EXOC6B: variants seen among roughly 807,000 people sequenced by gnomAD.
EXOC6B encodes exocyst complex component 6B.
Under a neutral mutation model 113.5 loss-of-function variants are expected in EXOC6B, and 54 were observed. The observed-to-expected ratio is 0.48, with a 90% CI of 0.38 to 0.60. The LOEUF (loss-of-function observed/expected upper bound fraction) is 0.60, where lower values mean the gene tolerates loss of function less well. Ranked by LOEUF, EXOC6B falls within the 20% of genes least tolerant of loss-of-function variation. EXOC6B has a pLI of 0.00. For missense variants in EXOC6B, 797 were observed against 977.5 expected, an observed-to-expected ratio of 0.82 and a Z score of 2.46; for synonymous variants, 357 against 339.0, an observed-to-expected ratio of 1.05 and a Z score of -0.58.
At chr2:72,228,495 C>A (rs1475167473) in intron 20 of EXOC6B, among the ~76,000 whole-genome samples, 1 of 150,706 alleles carries the variant, frequency 6.6e-6, no homozygotes, top group Non-Finnish European at 1.5e-5. Context: ...TCAATTCCCA[C>A]CTATGAGTGA....
chr2:72,564,303 A>G (rs1382430723), intron 7 of EXOC6B, among the ~76,000 whole-genome samples: 1 of 152,264 alleles, frequency 6.6e-6, no homozygotes, highest in East Asian at 1.9e-4. Context: ...CCTACACGGC[A>G]TTTATTTTTC....
intron 18 of EXOC6B, among the ~76,000 whole-genome samples, chr2:72,438,310 G>GAAAA (rs775849981): frequency 7.2e-6 from 1 of 138,870 alleles, no homozygotes; most frequent in Non-Finnish European, 1.6e-5. Flanking sequence ...AATCTTTGTG[G>GAAAA]AAAAAAAAAA....
At chr2:72,232,609 C>T (rs1681696956) in intron 20 of EXOC6B, among the ~76,000 whole-genome samples, 1 of 151,586 alleles carries the variant, frequency 6.6e-6, no homozygotes, top group East Asian at 1.9e-4. Context: ...CTTTAAAAGG[C>T]AGAATATAAA....
chr2:72,556,701 A>G (rs536426920), intron 8 of EXOC6B, among the ~76,000 whole-genome samples: 1 of 152,266 alleles, frequency 6.6e-6, no homozygotes, highest in South Asian at 2.1e-4. Flanking sequence ...TAAAATATTA[A>G]ATGTAGTATA....
chr2:72,208,286 G>C (rs1221429077), intron 20 of EXOC6B, among the ~76,000 whole-genome samples: 2 of 151,578 alleles, frequency 1.3e-5, no homozygotes, highest in Admixed American at 1.3e-4. Context: ...CCATCTTTAT[G>C]CCCATGTGAG....
In EXOC6B at chr2:72,179,279, C is replaced by G; in HGVS notation, c.*56G>C. The G allele has an allele frequency of 6.6e-7, 1 of 1,508,690 alleles. No homozygotes were observed. The highest frequency in any genetic ancestry group is 8.9e-7 in the Non-Finnish European group (1 of 1,128,826). 93.5% of individuals were successfully genotyped at this position (1,508,690 alleles called of 1,614,324 possible). A position where few individuals can be genotyped will look rare whatever the true frequency, so the allele number is the denominator to read the frequency against. ...AAATGCAGGGTCAGCTGGGGCTGGA[C>G]CCCAGACTGACACAGAGGCTGCAGC... On this transcript the variant is annotated 3_prime_UTR_variant, in exon 22 of 22. Coordinates refer to ENST00000272427, the MANE Select transcript of EXOC6B (RefSeq NM_015189.3).
At chr2:72,338,215 T>C (rs942092201) in intron 19 of EXOC6B, among the ~76,000 whole-genome samples, 8 of 152,186 alleles carry the variant, frequency 5.3e-5, no homozygotes, top group Admixed American at 5.2e-4. Context: ...TTCCTTACAG[T>C]GCTGCTATGA....
chr2:72,407,235 C>T lies in EXOC6B; in HGVS notation c.1981-27365G>A, dbSNP rs140112420. ...GAGGCAATAATTAATAGCTTACCAG[C>T]CAAAAAAAGTCCAGGACCAGAAGGA... On this transcript the variant is annotated intron_variant, in intron 18 of 21. Coordinates refer to ENST00000272427, the MANE Select transcript of EXOC6B (RefSeq NM_015189.3). Among the ~76,000 whole-genome samples the T allele has an allele frequency of 4.8e-3, 725 of 152,122 alleles. 1 individual carries two copies. Among genetic ancestry groups the T allele is most frequent in the Non-Finnish European group, 7.6e-3 (517 of 67,998 alleles).
intron 20 of EXOC6B, among the ~76,000 whole-genome samples, chr2:72,329,547 A>T (rs1475904805): frequency 6.6e-6 from 1 of 152,118 alleles, no homozygotes; most frequent in Admixed American, 6.6e-5. Flanking sequence ...AATACAAATA[A>T]TTATTAAAGT....
At chr2:72,339,489 G>A (rs769348789) in intron 19 of EXOC6B, among the ~76,000 whole-genome samples, 8 of 152,112 alleles carry the variant, frequency 5.3e-5, no homozygotes, top group Non-Finnish European at 7.3e-5. Flanking sequence ...TCCTGTTACT[G>A]GGAGACTGAA....
At chr2:72,465,464 T>C (rs1219438454) in intron 17 of EXOC6B, 125 bp from the exon 18 acceptor site, 1 of 690,664 alleles carries the variant, frequency 1.4e-6, no homozygotes, top group African/African-American at 1.8e-5. Context: ...TACTGAGCCA[T>C]ACATATCACA....
chr2:72,451,423 A>G (rs2105362724), intron 18 of EXOC6B, among the ~76,000 whole-genome samples: 1 of 152,316 alleles, frequency 6.6e-6, no homozygotes, highest in East Asian at 1.9e-4. Context: ...CCAATAAAAC[A>G]AAACACATAG....
intron 6 of EXOC6B, among the ~76,000 whole-genome samples, chr2:72,678,205 A>C (rs533705188): frequency 6.6e-6 from 1 of 152,306 alleles, no homozygotes; most frequent in Admixed American, 6.5e-5. Flanking sequence ...ATGCAAATGC[A>C]ATGTACCAAC....
At chr2:72,316,496 T>C (rs1346719090) in intron 20 of EXOC6B, among the ~76,000 whole-genome samples, 2 of 152,190 alleles carry the variant, frequency 1.3e-5, no homozygotes, top group African/African-American at 4.8e-5. Flanking sequence ...TTAATAAGAT[T>C]AAAGTAAACT....
chr2:72,818,311 A>ATTTTTTT (rs1183950982), intron 1 of EXOC6B, among the ~76,000 whole-genome samples: 8 of 117,840 alleles, frequency 6.8e-5, no homozygotes, highest in African/African-American at 2.0e-4. Context: ...GGCCCAGCTA[A>ATTTTTTT]TTTTTTTTTT....
chr2:72,800,278 T>G (rs374372146), intron 1 of EXOC6B, among the ~76,000 whole-genome samples: 1 of 152,184 alleles, frequency 6.6e-6, no homozygotes, highest in Admixed American at 6.5e-5. Context: ...TTAATTTTTA[T>G]AACAATTTTT....
chr2:72,451,817 G>T (rs144705911), intron 18 of EXOC6B, among the ~76,000 whole-genome samples: 44 of 152,240 alleles, frequency 2.9e-4, no homozygotes, highest in African/African-American at 1.0e-3. Context: ...CCGGGGGCAA[G>T]TACGTACTGT....
At chr2:72,777,789 T>C (rs1683794081) in intron 1 of EXOC6B, among the ~76,000 whole-genome samples, 1 of 152,144 alleles carries the variant, frequency 6.6e-6, no homozygotes, top group South Asian at 2.1e-4. Flanking sequence ...AAAGATGTAA[T>C]TTATAATGAC....
intron 20 of EXOC6B, among the ~76,000 whole-genome samples, chr2:72,311,777 G>C (rs951807312): frequency 1.3e-5 from 2 of 152,134 alleles, no homozygotes; most frequent in African/African-American, 4.8e-5. Context: ...AGTAAATGAA[G>C]AACAGAGGAC....
Sources: allele counts gnomAD v4.1 joint callset (sites outside exome capture counted in the v4.1 genomes callset), GRCh38; gene constraint gnomAD v4.1.1; transcripts MANE v1.5; gene names NCBI Gene and HGNC (gene_info 2026-07-23, HGNC 2026-07-21).